The following LNX1 variants were observed in gnomAD, a reference collection of about 807,000 sequenced individuals.
The protein encoded by LNX1 is ligand of numb-protein X 1.
In LNX1, 54 loss-of-function variants were observed where a neutral mutation model predicts 68.4. The observed-to-expected ratio is 0.79, with a 90% confidence interval of 0.63 to 0.99. The LOEUF is 0.99. LNX1 is among the 50% of genes least tolerant of loss of function. The probability of loss-of-function intolerance (pLI) is 0.00; values close to 1 mark genes in which losing one functional copy is unlikely to be tolerated. For missense variants in LNX1, 906 were observed against 926.4 expected, an observed-to-expected ratio of 0.98 and a Z score of 0.29; for synonymous variants, 336 against 350.0, an observed-to-expected ratio of 0.96 and a Z score of 0.45.
intron 1 of LNX1, among the ~76,000 whole-genome samples, chr4:53,647,099 C>G (rs1270088837): frequency 6.6e-6 from 1 of 152,214 alleles, no homozygotes; most frequent in Non-Finnish European, 1.5e-5. Flanking sequence ...GATGCTTCAT[C>G]TGACAGAGGC....
intron 1 of LNX1, among the ~76,000 whole-genome samples, chr4:53,577,391 C>T (rs1277353017): frequency 6.6e-6 from 1 of 152,150 alleles, no homozygotes; most frequent in Non-Finnish European, 1.5e-5. Context: ...TGCAGTGCGG[C>T]CATACCACTG....
intron 1 of LNX1, among the ~76,000 whole-genome samples, chr4:53,580,779 A>G (rs570102722): frequency 7.5e-4 from 115 of 152,330 alleles, no homozygotes; most frequent in African/African-American, 2.6e-3. Context: ...TGTATATCCA[A>G]TCCTTAGAAC....
chr4:53,585,067 C>T (rs759603327), intron 1 of LNX1, among the ~76,000 whole-genome samples: 1 of 152,120 alleles, frequency 6.6e-6, no homozygotes, highest in Admixed American at 6.5e-5. Context: ...TGTTAAGGTC[C>T]CTTTGAAAAC....
chr4:53,595,137 C>T (rs1030686695), upstream of LNX1, among the ~76,000 whole-genome samples: 1 of 152,004 alleles, frequency 6.6e-6, no homozygotes, highest in Non-Finnish European at 1.5e-5. Context: ...GGGCCTTGAA[C>T]GATTTGGAGA....
Position 53,459,576 on chromosome 4 carries a change from T to G in LNX1, c.*1331A>C. ...CTGTTTGTTAGTATGAAAAGTTAAC[T>G]TTTTTTCCAAAATAAAAGAGTGAAT... On this transcript the variant is annotated 3_prime_UTR_variant, in exon 11 of 11. Transcript: ENST00000263925. 7.3e-7 allele frequency: 1 copy of G among 1,364,518 alleles called. No individual in the cohort carries two copies. Among genetic ancestry groups the G allele is most frequent in the Non-Finnish European group, 1.0e-6 (1 of 982,436 alleles). 84.5% of individuals were successfully genotyped at this position (1,364,518 alleles called of 1,614,324 possible).
At chr4:53,482,897 T>G (rs1488721976) in intron 6 of LNX1, among the ~76,000 whole-genome samples, 1 of 152,202 alleles carries the variant, frequency 6.6e-6, no homozygotes, top group African/African-American at 2.4e-5. Context: ...TTGCCTTGAT[T>G]TCTTTATTTT....
chr4:53,605,998 C>T (rs1216133327), intron 2 of LNX1, among the ~76,000 whole-genome samples: 1 of 151,950 alleles, frequency 6.6e-6, no homozygotes, highest in African/African-American at 2.4e-5. Flanking sequence ...TATACCCTTG[C>T]CAATTCTTAT....
intron 1 of LNX1, among the ~76,000 whole-genome samples, chr4:53,585,726 A>T (rs1242497707): frequency 6.6e-6 from 1 of 152,196 alleles, no homozygotes; most frequent in Non-Finnish European, 1.5e-5. Context: ...CTAGAAACTG[A>T]AAGAGACCAG....
intron 6 of LNX1, among the ~76,000 whole-genome samples, chr4:53,488,854 C>G (rs1028816494): frequency 6.6e-6 from 1 of 152,108 alleles, no homozygotes; most frequent in Non-Finnish European, 1.5e-5. Flanking sequence ...ATCAGTCATT[C>G]CGGTTGATAT....
chr4:53,514,602 T>C (rs1394421305), intron 2 of LNX1, among the ~76,000 whole-genome samples: 2 of 152,126 alleles, frequency 1.3e-5, no homozygotes, highest in Non-Finnish European at 2.9e-5. Context: ...TCCAACCGGG[T>C]CCCTCCCACA....
chr4:53,469,985 A>G (rs1415715559), intron 9 of LNX1, among the ~76,000 whole-genome samples: 3 of 152,218 alleles, frequency 2.0e-5, no homozygotes, highest in Non-Finnish European at 4.4e-5. Flanking sequence ...TCCCTAACTC[A>G]TTTTATGAGG....
At chr4:53,557,510 C>T (rs943746848) in intron 2 of LNX1, among the ~76,000 whole-genome samples, 4 of 151,876 alleles carry the variant, frequency 2.6e-5, no homozygotes, top group African/African-American at 9.7e-5. Context: ...TATAAATACC[C>T]AATAGAGGCA....
At chr4:53,524,562 A>G (rs562072271) in intron 2 of LNX1, among the ~76,000 whole-genome samples, 1 of 152,348 alleles carries the variant, frequency 6.6e-6, no homozygotes, top group African/African-American at 2.4e-5. Flanking sequence ...CACAACCAGT[A>G]AAATGACAGA....
At chr4:53,532,793 G>C (rs974968676) in intron 2 of LNX1, among the ~76,000 whole-genome samples, 2 of 152,188 alleles carry the variant, frequency 1.3e-5, no homozygotes, top group African/African-American at 4.8e-5. Flanking sequence ...GCAGGGCGAT[G>C]GGTTTCTGCT....
intron 2 of LNX1, chr4:53,557,811 C>T (rs541264921): frequency 2.4e-5 from 38 of 1,596,078 alleles, no homozygotes; most frequent in East Asian, 4.5e-5. Flanking sequence ...GGAATGGACT[C>T]GGGTCCCACC....
At chr4:53,595,526 A>G (rs1301515669), upstream of LNX1, among the ~76,000 whole-genome samples, 2 of 152,242 alleles carry the variant, frequency 1.3e-5, no homozygotes, top group Non-Finnish European at 2.9e-5. Flanking sequence ...TTCGGCAACC[A>G]CATGATCTTT....
At chr4:53,471,989 G>A (rs1444547872) in intron 9 of LNX1, among the ~76,000 whole-genome samples, 2 of 152,178 alleles carry the variant, frequency 1.3e-5, no homozygotes, top group East Asian at 1.9e-4. Flanking sequence ...ATTACTGGGT[G>A]TATACCCAAA....
intron 4 of LNX1, among the ~76,000 whole-genome samples, chr4:53,504,268 C>T (rs1259482766): frequency 6.6e-6 from 1 of 152,282 alleles, no homozygotes; most frequent in Non-Finnish European, 1.5e-5. Flanking sequence ...TGCTTCGCTA[C>T]AATCTGCATT....
chr4:53,467,516 G>A (rs2150562912), intron 9 of LNX1, among the ~76,000 whole-genome samples: 1 of 152,296 alleles, frequency 6.6e-6, no homozygotes, highest in African/African-American at 2.4e-5. Context: ...GTTGAGAGAG[G>A]AAGGCTTCAG....
Sources: allele counts gnomAD v4.1 joint callset (sites outside exome capture counted in the v4.1 genomes callset), GRCh38; gene constraint gnomAD v4.1.1; transcripts MANE v1.5; gene names NCBI Gene and HGNC (gene_info 2026-07-23, HGNC 2026-07-21).